Variants in ADSS2 observed in about 807,000 individuals in gnomAD.
ADSS2 encodes the protein adenylosuccinate synthase 2, also known as adenylosuccinate synthetase isozyme 2.
A neutral mutation model predicts 60.0 loss-of-function variants in ADSS2; 30 were observed. The observed-to-expected ratio is 0.50, with a 90% confidence interval of 0.37 to 0.68. The LOEUF (loss-of-function observed/expected upper bound fraction) is 0.68, where lower values mean the gene tolerates loss of function less well. Ranked by LOEUF, ADSS2 falls within the 30% of genes least tolerant of loss-of-function variation. ADSS2 has a pLI of 0.00. For missense variants in ADSS2, 373 were observed against 554.8 expected (o/e 0.67, Z 3.29); for synonymous variants, 187 against 193.1 (o/e 0.97, Z 0.26).
At chr1:244,450,054 A>G (rs1295677890) in intron 1 of ADSS2, among the ~76,000 whole-genome samples, 1 of 152,214 alleles carries the variant, frequency 6.6e-6, no homozygotes, top group Non-Finnish European at 1.5e-5. Flanking sequence ...AGCTATTTCC[A>G]TATTAACGAG....
intron 11 of ADSS2, among the ~76,000 whole-genome samples, chr1:244,415,466 G>C (rs753713177): frequency 3.3e-5 from 5 of 152,206 alleles, no homozygotes; most frequent in Non-Finnish European, 5.9e-5. Context: ...AAACCTACCA[G>C]CTCATCAAGT....
At chr1:244,445,947 G>C (rs1400844495) in intron 1 of ADSS2, among the ~76,000 whole-genome samples, 1 of 152,134 alleles carries the variant, frequency 6.6e-6, no homozygotes, top group Non-Finnish European at 1.5e-5. Context: ...TCTTATCTTT[G>C]TCCTTTTGCT....
In ADSS2 at chr1:244,451,497, G is replaced by T; in HGVS notation, c.183+138C>A. The T allele has an allele frequency of 1.0e-6, 1 of 967,746 alleles. No homozygotes were observed. Among genetic ancestry groups the T allele is most frequent in the Non-Finnish European group, 1.5e-6 (1 of 672,534 alleles). 59.9% of individuals were successfully genotyped at this position (967,746 alleles called of 1,614,324 possible). ...ATTTCTCCACGTAGCCGCAGCTCAG[G>T]ACAGGAGGAGAGAGCCTCAAGGTGA... is the stretch of plus-strand genomic sequence containing the variant. On this transcript the variant is annotated intron_variant, in intron 1 of 12. Coordinates refer to ENST00000366535, the MANE Select transcript of ADSS2 (RefSeq NM_001126.5). This position sits in a 1 kb window ranked among gnomAD's most constrained non-coding sequence, Gnocchi z 6.6.
In ADSS2 at chr1:244,451,861, G is replaced by A. The variant is rs1321210063; in HGVS notation, c.-44C>T. 4 of 1,505,294 alleles carry A rather than the reference G, an allele frequency of 2.7e-6. No individual in the cohort carries two copies. The highest frequency in any genetic ancestry group is 2.1e-5 in the Admixed American group (1 of 47,974). 93.2% of individuals were successfully genotyped at this position (1,505,294 alleles called of 1,614,324 possible). ...AGAGCCCGAAGGAGAGGCGGCCGGC[G>A]AGGAGTGAGCGAACTGAACTGCTCT... On this transcript the variant is annotated 5_prime_UTR_variant, in exon 1 of 13. Transcript: ENST00000366535. This position sits in a 1 kb window ranked among gnomAD's most constrained non-coding sequence, Gnocchi z 6.6.
chr1:244,432,066 T>C (rs564810296), intron 4 of ADSS2, among the ~76,000 whole-genome samples: 3 of 152,360 alleles, frequency 2.0e-5, no homozygotes, highest in Admixed American at 1.3e-4. Context: ...CCATTGGTTC[T>C]GAAAGAGAAA....
At chr1:244,427,533 T>G (rs1482569878) in intron 4 of ADSS2, among the ~76,000 whole-genome samples, 1 of 152,092 alleles carries the variant, frequency 6.6e-6, no homozygotes, top group Non-Finnish European at 1.5e-5. Context: ...ATTGTCACAA[T>G]GAATAAAATG....
chr1:244,438,536 T>TAG (rs1471106303), intron 1 of ADSS2, among the ~76,000 whole-genome samples: 1 of 152,174 alleles, frequency 6.6e-6, no homozygotes, highest in Admixed American at 6.5e-5. Flanking sequence ...CCAGATAACT[T>TAG]TTCTAAGTTT....
chr1:244,424,311 C>A lies in ADSS2; in HGVS notation c.473+10G>T. ...TAAACTGTACCAAAAAAACAAAAAC[C>A]CACACATACTTTTTTCCTGCTTGTT... On this transcript the variant is annotated intron_variant, in intron 5 of 12. Coordinates refer to ENST00000366535, the MANE Select transcript of ADSS2 (RefSeq NM_001126.5). The A allele has an allele frequency of 6.2e-7, 1 of 1,612,054 alleles. No individual in the cohort carries two copies. The highest frequency in any genetic ancestry group is 8.5e-7 in the Non-Finnish European group (1 of 1,178,856).
intron 7 of ADSS2, among the ~76,000 whole-genome samples, chr1:244,421,451 C>G (rs1664673220): frequency 6.6e-6 from 1 of 152,162 alleles, no homozygotes; most frequent in African/African-American, 2.4e-5. Flanking sequence ...TGACTGATTC[C>G]TGTTTTAGTC....
chr1:244,424,643 A>G (rs1664755038), intron 4 of ADSS2: 1 of 276,780 alleles, frequency 3.6e-6, no homozygotes, highest in Non-Finnish European at 6.8e-6. Context: ...TAATTTTGAA[A>G]CATCTTGCCC....
intron 8 of ADSS2, chr1:244,419,187 A>C (rs1488042467): frequency 1.8e-5 from 5 of 271,968 alleles, no homozygotes; most frequent in African/African-American, 1.1e-4. Flanking sequence ...GCAGCTACTC[A>C]CTTACTGGAT....
chr1:244,417,584 T>C (rs1664569647), intron 10 of ADSS2, 44 bp downstream of exon 10: 1 of 1,601,578 alleles, frequency 6.2e-7, no homozygotes, highest in Non-Finnish European at 8.5e-7. Flanking sequence ...TGGCCATTAA[T>C]CATCTATGAT....
intron 1 of ADSS2, among the ~76,000 whole-genome samples, chr1:244,444,888 T>C (rs1024985326): frequency 6.6e-5 from 10 of 152,220 alleles, no homozygotes; most frequent in Non-Finnish European, 1.3e-4. Context: ...TATTTTCCTA[T>C]ACAAAATTAA....
At position 244,451,692 on chromosome 1, in the gene ADSS2, G is replaced by A. The variant is rs767335807; in HGVS notation, c.126C>T (p.Gly42=). The A allele has an allele frequency of 1.2e-6, 2 of 1,612,474 alleles. No individual in the cohort carries two copies. Among genetic ancestry groups the A allele is most frequent in the East Asian group, 2.2e-5 (1 of 44,776 alleles). ...VVLGAQWGDE[G]KGKVVDLLAQ... is the part of the protein sequence containing the mutation. Reference sequence around the variant, plus strand: ...CCAGCAGGTCCACCACCTTCCCTTTGCCTTCGTCGCCCCACTGCGCACCGA... The same window carrying A: ...CCAGCAGGTCCACCACCTTCCCTTTACCTTCGTCGCCCCACTGCGCACCGA... Residue 42 remains glycine (G), a synonymous_variant, in exon 1 of 13, where the codon GGC becomes GGT. Coordinates refer to ENST00000366535, the MANE Select transcript of ADSS2 (RefSeq NM_001126.5). This position sits in a 1 kb window ranked among gnomAD's most constrained non-coding sequence, Gnocchi z 6.6.
chr1:244,431,844 G>A (rs1664953049), intron 4 of ADSS2, among the ~76,000 whole-genome samples: 5 of 152,140 alleles, frequency 3.3e-5, no homozygotes. Flanking sequence ...TGATTTCTGT[G>A]CTTGGCTGAG....
At chr1:244,425,675 G>A (rs1051753874) in intron 4 of ADSS2, among the ~76,000 whole-genome samples, 5 of 152,062 alleles carry the variant, frequency 3.3e-5, no homozygotes, top group African/African-American at 1.2e-4. Context: ...GTTTGGCAAG[G>A]TTAACAATCA....
chr1:244,423,907 C>G (rs773753614), intron 6 of ADSS2, 46 bp downstream of exon 6: 8 of 1,500,058 alleles, frequency 5.3e-6, no homozygotes, highest in Non-Finnish European at 7.3e-6. Flanking sequence ...TAAAAAAAAT[C>G]AAAAAATGCA....
intron 3 of ADSS2, among the ~76,000 whole-genome samples, chr1:244,436,127 C>T (rs1010344394): frequency 6.6e-6 from 1 of 152,086 alleles, no homozygotes. Context: ...TGCATGAGGT[C>T]GGGTATGGAA....
chr1:244,440,663 C>T (rs919226027), intron 1 of ADSS2, among the ~76,000 whole-genome samples: 1 of 152,178 alleles, frequency 6.6e-6, no homozygotes, highest in African/African-American at 2.4e-5. Context: ...CATACCCTTG[C>T]TGTAAGACAA....
Sources: gnomAD v4.1 joint callset for allele counts (sites outside exome capture counted in the v4.1 genomes callset) on GRCh38, gnomAD v4.1.1 for gene constraint, Gnocchi (gnomAD v3.1) non-coding constraint, MANE v1.5 for transcripts, NCBI Gene and HGNC (gene_info 2026-07-23, HGNC 2026-07-21) for gene names.